Variants in ZC3H12B observed in about 807,000 individuals in gnomAD.
The protein encoded by ZC3H12B is probable ribonuclease ZC3H12B.
In ZC3H12B, 7 loss-of-function variants were observed where a neutral mutation model predicts 43.9. The observed-to-expected ratio is 0.16, with a 90% CI of 0.09 to 0.30. The LOEUF (loss-of-function observed/expected upper bound fraction) is 0.30. Among genes scored for constraint, ZC3H12B ranks in the 10% least tolerant of loss-of-function variants. The probability of loss-of-function intolerance (pLI) is 1.00; values close to 1 mark genes in which losing one functional copy is unlikely to be tolerated. For synonymous variants in ZC3H12B, 222 were observed against 241.7 expected, an observed-to-expected ratio of 0.92 and a Z score of 0.76; for missense variants, 475 against 670.2, an observed-to-expected ratio of 0.71 and a Z score of 3.22.
At chrX:65,461,734 G>A (rs1031577413) in intron 3 of ZC3H12B, among the ~76,000 whole-genome samples, 1 of 111,310 alleles carries the variant, frequency 9.0e-6, no homozygotes, top group African/African-American at 3.3e-5. Context: ...GATAGCATTA[G>A]GAGATATACC....
the ZC3H12B span, among the ~76,000 whole-genome samples, chrX:65,231,700 G>A: frequency 6.3e-5 from 7 of 110,863 alleles, no homozygotes; most frequent in African/African-American, 1.6e-4. Context: ...TATTCTGCCC[G>A]ACCCCGCAGG....
At chrX:65,139,238 C>T in the ZC3H12B span, among the ~76,000 whole-genome samples, 1 of 112,141 alleles carries the variant, frequency 8.9e-6, no homozygotes, top group African/African-American at 3.2e-5. Flanking sequence ...ATCTTTAAAT[C>T]TTTAATCCAT....
intron 2 of ZC3H12B, among the ~76,000 whole-genome samples, chrX:65,387,060 T>A (rs1407428014): frequency 5.4e-5 from 6 of 111,929 alleles, no homozygotes; most frequent in Non-Finnish European, 7.5e-5. Flanking sequence ...AGTGCTTTAC[T>A]TCCAACTATG....
At chrX:65,135,766 T>C in the ZC3H12B span, among the ~76,000 whole-genome samples, 1 of 106,819 alleles carries the variant, frequency 9.4e-6, no homozygotes, top group Non-Finnish European at 1.9e-5. Flanking sequence ...TTTTTTTTTT[T>C]GAGTAATTTT....
At chrX:65,036,442 T>C in the ZC3H12B span, among the ~76,000 whole-genome samples, 5 of 111,697 alleles carry the variant, frequency 4.5e-5, no homozygotes, top group South Asian at 1.9e-3. Flanking sequence ...TAAATGCTTT[T>C]GAGCTAAAGA....
At chrX:65,351,411 A>C in the ZC3H12B span, among the ~76,000 whole-genome samples, 1 of 112,163 alleles carries the variant, frequency 8.9e-6, no homozygotes, top group African/African-American at 3.2e-5. Context: ...GCATGGGCAA[A>C]GACTTCATGT....
chrX:65,267,780 C>G, the ZC3H12B span, among the ~76,000 whole-genome samples: 1 of 110,903 alleles, frequency 9.0e-6, no homozygotes, highest in Non-Finnish European at 1.9e-5. Context: ...AAAAGCAGTT[C>G]TAAGAAAGAA....
intron 2 of ZC3H12B, among the ~76,000 whole-genome samples, chrX:65,389,755 C>T (rs900417197): frequency 2.7e-5 from 3 of 112,446 alleles, no homozygotes; most frequent in African/African-American, 9.7e-5. Flanking sequence ...GGAGCTGTTC[C>T]TATTCGGCCA....
the ZC3H12B span, among the ~76,000 whole-genome samples, chrX:65,295,276 G>A: frequency 9.0e-6 from 1 of 111,339 alleles, no homozygotes; most frequent in South Asian, 3.7e-4. Context: ...GCAAATACAT[G>A]GAAATTAAAT....
chrX:65,357,922 A>C, the ZC3H12B span, among the ~76,000 whole-genome samples: 1 of 110,724 alleles, frequency 9.0e-6, no homozygotes, highest in East Asian at 2.8e-4. Context: ...GTCAAGACCC[A>C]TTGGTGTGCA....
the ZC3H12B span, among the ~76,000 whole-genome samples, chrX:65,057,124 T>G: frequency 8.9e-6 from 1 of 112,039 alleles, no homozygotes; most frequent in African/African-American, 3.2e-5. Flanking sequence ...TTTGATCTTG[T>G]CACGATATTA....
the ZC3H12B span, among the ~76,000 whole-genome samples, chrX:65,224,619 GTCAAA>G: frequency 8.9e-6 from 1 of 112,204 alleles, no homozygotes; most frequent in Admixed American, 9.4e-5. Context: ...CCCTTTCCTA[GTCAAA>G]GAAAGGGGTG....
chrX:65,405,014 C>T (rs1265247791), intron 3 of ZC3H12B, among the ~76,000 whole-genome samples: 1 of 112,001 alleles, frequency 8.9e-6, no homozygotes, highest in Admixed American at 9.4e-5. Flanking sequence ...TCTCTGACCA[C>T]AATAAAATAA....
chrX:65,187,632 C>G, the ZC3H12B span, among the ~76,000 whole-genome samples: 1 of 108,999 alleles, frequency 9.2e-6, no homozygotes, highest in African/African-American at 3.3e-5. Flanking sequence ...ACCAGCCCAA[C>G]CTAAATATTT....
the ZC3H12B span, among the ~76,000 whole-genome samples, chrX:65,165,556 TGTTTGTTA>T: frequency 8.9e-6 from 1 of 112,199 alleles, no homozygotes; most frequent in African/African-American, 3.2e-5. Context: ...TGTGTTAGTT[TGTTTGTTA>T]GTTTGTTAAG....
intron 3 of ZC3H12B, among the ~76,000 whole-genome samples, chrX:65,459,078 C>T (rs980887356): frequency 2.0e-4 from 22 of 111,968 alleles, no homozygotes; most frequent in Non-Finnish European, 3.6e-4. Flanking sequence ...ATACTATAAA[C>T]ACCTCTAGGA....
the ZC3H12B span, among the ~76,000 whole-genome samples, chrX:65,050,356 A>T: frequency 5.4e-5 from 6 of 110,231 alleles, no homozygotes; most frequent in Non-Finnish European, 3.8e-5. Context: ...AAAAGAGATA[A>T]TTTTTCTACT....
the ZC3H12B span, among the ~76,000 whole-genome samples, chrX:65,257,220 T>TTG: frequency 1.8e-5 from 2 of 111,991 alleles, no homozygotes; most frequent in African/African-American, 6.5e-5. Context: ...CCATCAATGA[T>TTG]ATACTGGATT....
intron 3 of ZC3H12B, among the ~76,000 whole-genome samples, chrX:65,448,372 C>T (rs1004702616): frequency 8.9e-6 from 1 of 112,141 alleles, no homozygotes; most frequent in Non-Finnish European, 1.9e-5. Flanking sequence ...ATGATTCAAT[C>T]CAGCAATCCC....
Sources: allele counts gnomAD v4.1 joint callset (sites outside exome capture counted in the v4.1 genomes callset), GRCh38; gene constraint gnomAD v4.1.1; transcripts MANE v1.5; gene names NCBI Gene and HGNC (gene_info 2026-07-23, HGNC 2026-07-21).